SLC35F4: variants seen among roughly 807,000 people sequenced by gnomAD.
SLC35F4 encodes chromosome 14 open reading frame 36.
SLC35F4 carries 24 observed loss-of-function variants against 44.2 expected under a neutral mutation model. That is an observed-to-expected ratio of 0.54 (90% CI 0.39 to 0.76). The LOEUF is 0.76. Ranked by LOEUF, SLC35F4 falls within the 30% of genes least tolerant of loss-of-function variation. The pLI is 0.00. For synonymous variants in SLC35F4, 238 were observed against 223.6 expected, an observed-to-expected ratio of 1.06 and a Z score of -0.57; for missense variants, 562 against 586.1, an observed-to-expected ratio of 0.96 and a Z score of 0.42.
intron 1 of SLC35F4, among the ~76,000 whole-genome samples, chr14:57,808,982 T>C (rs1182077953): frequency 6.6e-6 from 1 of 152,214 alleles, no homozygotes; most frequent in African/African-American, 2.4e-5. Context: ...TGAATAGCCC[T>C]GAATCACTCT....
At chr14:57,959,393 T>G (rs920344316) in intron 1 of SLC35F4, among the ~76,000 whole-genome samples, 2 of 152,170 alleles carry the variant, frequency 1.3e-5, no homozygotes, top group Admixed American at 6.5e-5. Flanking sequence ...GTATCTGAAA[T>G]GTAGGAAATC....
chr14:57,631,759 T>C (rs1288663493), intron 1 of SLC35F4, among the ~76,000 whole-genome samples: 2 of 152,116 alleles, frequency 1.3e-5, no homozygotes, highest in African/African-American at 2.4e-5. Flanking sequence ...AATGAAGAAG[T>C]AATATCCTTA....
chr14:57,903,120 C>T (rs1482674003), intron 1 of SLC35F4, among the ~76,000 whole-genome samples: 2 of 152,202 alleles, frequency 1.3e-5, no homozygotes, highest in Non-Finnish European at 2.9e-5. Context: ...GCATCTGGTA[C>T]ACTGCTGAGT....
chr14:57,922,731 G>A (rs543260345), intron 1 of SLC35F4, among the ~76,000 whole-genome samples: 8 of 152,314 alleles, frequency 5.3e-5, no homozygotes, highest in Non-Finnish European at 1.2e-4. Flanking sequence ...GGGCAACCGA[G>A]ATCTTGACAC....
At chr14:57,583,680 CCCCTTTCTTT>C (rs1273568973) in intron 3 of SLC35F4, among the ~76,000 whole-genome samples, 1 of 152,184 alleles carries the variant, frequency 6.6e-6, no homozygotes, top group Non-Finnish European at 1.5e-5. Flanking sequence ...CCTCGTTCTT[CCCCTTTCTTT>C]CCCCTTCTCT....
At chr14:57,811,086 C>T (rs1881914567) in intron 1 of SLC35F4, among the ~76,000 whole-genome samples, 1 of 152,198 alleles carries the variant, frequency 6.6e-6, no homozygotes, top group Admixed American at 6.5e-5. Flanking sequence ...GGAGAGGCGA[C>T]TCACTGAAGT....
At chr14:57,770,855 TA>T (rs2077347159) in intron 1 of SLC35F4, among the ~76,000 whole-genome samples, 1 of 152,232 alleles carries the variant, frequency 6.6e-6, no homozygotes, top group Admixed American at 6.5e-5. Flanking sequence ...GCTTTGCATT[TA>T]AAACCATGGG....
At chr14:57,920,258 A>T (rs772042263) in intron 1 of SLC35F4, among the ~76,000 whole-genome samples, 1 of 152,216 alleles carries the variant, frequency 6.6e-6, no homozygotes, top group Non-Finnish European at 1.5e-5. Context: ...CCCAAGTCAG[A>T]TATGAAACAT....
In SLC35F4 at chr14:57,944,751, G is replaced by GA. The variant is rs869201293; in HGVS notation, n.282+37161dup. On this transcript the variant is annotated intron_variant and non_coding_transcript_variant, in intron 1 of 1. Transcript: ENST00000556568. ...AGAAAGAAAGAAAGAAAGAAAGAAA[G>GA]AAGAAAGGAAGAAAGAAAAGAAAAG... Among the ~76,000 whole-genome samples, 32 of 125,860 alleles carry GA rather than the reference G, an allele frequency of 2.5e-4. 1 individual carries two copies. Among genetic ancestry groups the GA allele is most frequent in the East Asian group, 1.0e-3 (4 of 3,932 alleles). The allele number at this position is 125,860 out of a possible 152,430, so 82.6% of individuals were successfully genotyped here. A position where few individuals can be genotyped will look rare whatever the true frequency, so the allele number is the denominator to read the frequency against.
At chr14:57,807,275 C>T (rs1881436164) in intron 1 of SLC35F4, among the ~76,000 whole-genome samples, 3 of 149,422 alleles carry the variant, frequency 2.0e-5, no homozygotes, top group Non-Finnish European at 4.4e-5. Context: ...ACATCCAAAG[C>T]CTTCACCCTC....
chr14:57,739,871 T>C (rs931184128), intron 1 of SLC35F4, among the ~76,000 whole-genome samples: 34 of 152,208 alleles, frequency 2.2e-4, no homozygotes, highest in African/African-American at 4.6e-4. Flanking sequence ...TGGTTTGTTG[T>C]TGTTTTGAGA....
chr14:57,828,179 T>C (rs1883987750), intron 1 of SLC35F4, among the ~76,000 whole-genome samples: 1 of 152,142 alleles, frequency 6.6e-6, no homozygotes, highest in Non-Finnish European at 1.5e-5. Flanking sequence ...CGTTTGAATC[T>C]TGGGAGAGCT....
intron 1 of SLC35F4, among the ~76,000 whole-genome samples, chr14:57,857,254 G>A (rs1012417750): frequency 5.3e-4 from 80 of 151,730 alleles, no homozygotes; most frequent in African/African-American, 1.8e-3. Context: ...TCCAGCCTGG[G>A]CAACACACCA....
At chr14:57,760,851 C>T (rs2077106894) in intron 1 of SLC35F4, among the ~76,000 whole-genome samples, 1 of 152,128 alleles carries the variant, frequency 6.6e-6, no homozygotes. Flanking sequence ...TTCCAGGGCG[C>T]TGGGTAGTTT....
chr14:57,760,205 G>A (rs991198818), intron 1 of SLC35F4, among the ~76,000 whole-genome samples: 2 of 151,906 alleles, frequency 1.3e-5, no homozygotes, highest in African/African-American at 4.8e-5. Context: ...GTTCATTTTT[G>A]TGCATGTTGT....
chr14:57,710,580 A>C (rs2075793195), intron 1 of SLC35F4, among the ~76,000 whole-genome samples: 1 of 152,076 alleles, frequency 6.6e-6, no homozygotes, highest in East Asian at 1.9e-4. Context: ...GCAGTCTATA[A>C]AAGCAACCAG....
rs1594815182 is a variant in SLC35F4 at position 57,695,398 on chromosome 14, C to T, written c.104-101274G>A. Among the ~76,000 whole-genome samples the T allele has an allele frequency of 2.6e-5, 4 of 151,548 alleles. No homozygotes were observed. In the South Asian group the frequency reaches 8.4e-4, roughly 32 times the overall value. On this transcript the variant is annotated intron_variant, in intron 1 of 7. Coordinates refer to ENST00000556826, the MANE Select transcript of SLC35F4 (RefSeq NM_001306087.2). Reference sequence around the variant, plus strand: ...CACTTCTCAAAAGAAGACATTTATGCAGCCAAAAAACACATGAAAAAACGC... The same window carrying T: ...CACTTCTCAAAAGAAGACATTTATGTAGCCAAAAAACACATGAAAAAACGC...
chr14:57,570,771 G>T (rs1246462745), intron 5 of SLC35F4, among the ~76,000 whole-genome samples: 1 of 152,200 alleles, frequency 6.6e-6, no homozygotes, highest in East Asian at 1.9e-4. Flanking sequence ...CTGGTCAGGG[G>T]AAATCCCTCT....
intron 1 of SLC35F4, among the ~76,000 whole-genome samples, chr14:57,854,804 A>G (rs1886927497): frequency 6.6e-6 from 1 of 152,244 alleles, no homozygotes; most frequent in African/African-American, 2.4e-5. Flanking sequence ...CTATGCCAAG[A>G]GGCAATCCAG....
Sources: allele counts gnomAD v4.1 joint callset (sites outside exome capture counted in the v4.1 genomes callset), GRCh38; gene constraint gnomAD v4.1.1; transcripts MANE v1.5; gene names NCBI Gene and HGNC (gene_info 2026-07-23, HGNC 2026-07-21).